Variants in SLC35F1 observed in about 807,000 individuals in gnomAD.
SLC35F1 encodes the protein chromosome 6 open reading frame 169.
A neutral mutation model predicts 48.7 loss-of-function variants in SLC35F1; 14 were observed. The ratio of observed to expected loss-of-function variants is 0.29; its 90% CI spans 0.19 to 0.45. SLC35F1 has a LOEUF of 0.45. Ranked by LOEUF, SLC35F1 falls within the 20% of genes least tolerant of loss-of-function variation. The pLI, the probability that SLC35F1 is intolerant of heterozygous loss-of-function variation, is 1.00. For missense variants in SLC35F1, 404 were observed against 500.0 expected (o/e 0.81, Z 1.83); for synonymous variants, 190 against 202.2 (o/e 0.94, Z 0.51).
chr6:118,268,230 TG>T (rs756636805), intron 4 of SLC35F1, among the ~76,000 whole-genome samples: 8 of 152,154 alleles, frequency 5.3e-5, no homozygotes, highest in Non-Finnish European at 8.8e-5. Flanking sequence ...AAGCAGAGAC[TG>T]GAACACAAGG....
At chr6:118,279,923 A>C (rs770512761) in intron 6 of SLC35F1, among the ~76,000 whole-genome samples, 1 of 152,228 alleles carries the variant, frequency 6.6e-6, no homozygotes, top group Non-Finnish European at 1.5e-5. Flanking sequence ...CCATTTTATC[A>C]AAGTGGAAAG....
At chr6:118,262,048 T>TAA (rs1320595783) in intron 3 of SLC35F1, among the ~76,000 whole-genome samples, 1 of 152,026 alleles carries the variant, frequency 6.6e-6, no homozygotes, top group African/African-American at 2.4e-5. Context: ...ACACCAGCTG[T>TAA]AAAGAGGGTT....
intron 6 of SLC35F1, among the ~76,000 whole-genome samples, chr6:118,279,908 G>A (rs942248385): frequency 1.3e-5 from 2 of 152,116 alleles, no homozygotes; most frequent in Non-Finnish European, 2.9e-5. Context: ...CAACTCATGT[G>A]GTTGCCATTT....
At chr6:117,946,596 T>A (rs1776298252) in intron 1 of SLC35F1, among the ~76,000 whole-genome samples, 1 of 152,230 alleles carries the variant, frequency 6.6e-6, no homozygotes, top group Non-Finnish European at 1.5e-5. Context: ...AACCTACATG[T>A]AAACTCTTAA....
chr6:118,248,620 G>T (rs894584643), intron 3 of SLC35F1, among the ~76,000 whole-genome samples: 1 of 152,188 alleles, frequency 6.6e-6, no homozygotes, highest in Non-Finnish European at 1.5e-5. Context: ...GCTGAAAAAG[G>T]CAGGGAAAGG....
At chr6:118,190,441 TAA>T (rs541433945) in intron 2 of SLC35F1, among the ~76,000 whole-genome samples, 1 of 146,122 alleles carries the variant, frequency 6.8e-6, no homozygotes, top group Non-Finnish European at 1.5e-5. Context: ...TAATTTTGCT[TAA>T]AAAAAAAAAA....
At position 118,107,381 on chromosome 6, in the gene SLC35F1, G is replaced by A. The variant is rs138923463; in HGVS notation, c.174-47064G>A. Among the ~76,000 whole-genome samples the A allele has an allele frequency of 2.1e-3, 316 of 152,180 alleles. 1 individual carries two copies. The highest frequency in any genetic ancestry group is 7.5e-3 in the African/African-American group (312 of 41,522). On this transcript the variant is annotated intron_variant, in intron 1 of 7. Transcript: ENST00000360388. The stretch of plus-strand genomic sequence containing the variant: ...AAACTCTTTTCTCCCATTGTCCTTT[G>A]GACTGGATATTTACTCAATATCACC...
chr6:117,932,946 C>G (rs1258539187), intron 1 of SLC35F1, among the ~76,000 whole-genome samples: 4 of 152,190 alleles, frequency 2.6e-5, no homozygotes, highest in Non-Finnish European at 4.4e-5. Context: ...GCTCAGAAAA[C>G]TAGTGATAAC....
intron 2 of SLC35F1, among the ~76,000 whole-genome samples, chr6:118,175,527 T>C (rs138110211): frequency 1.1e-3 from 168 of 152,266 alleles, no homozygotes; most frequent in African/African-American, 3.8e-3. Context: ...TTATTTGATT[T>C]ATAAAAGAAA....
intron 7 of SLC35F1, among the ~76,000 whole-genome samples, chr6:118,302,271 G>A (rs1411296969): frequency 6.6e-6 from 1 of 152,072 alleles, no homozygotes; most frequent in Non-Finnish European, 1.5e-5. Context: ...TAAAGCAGTA[G>A]CTTATAAAGA....
chr6:117,933,870 A>G (rs1352238977), intron 1 of SLC35F1, among the ~76,000 whole-genome samples: 1 of 152,112 alleles, frequency 6.6e-6, no homozygotes, highest in Non-Finnish European at 1.5e-5. Context: ...CGTAGAGCTC[A>G]GTGCTCACTG....
chr6:118,043,636 A>G (rs1034309133), intron 1 of SLC35F1, among the ~76,000 whole-genome samples: 2 of 152,178 alleles, frequency 1.3e-5, no homozygotes, highest in African/African-American at 4.8e-5. Flanking sequence ...CCACGTTTGT[A>G]TATTTCACTG....
chr6:118,139,304 G>A (rs1001370745), intron 1 of SLC35F1, among the ~76,000 whole-genome samples: 1 of 152,044 alleles, frequency 6.6e-6, no homozygotes, highest in South Asian at 2.1e-4. Context: ...AGTAGAGATG[G>A]GGTTTCACCG....
rs1270072536 is a variant in SLC35F1, at chr6:117,920,045, G to A, written c.173+12146G>A. On this transcript the variant is annotated intron_variant, in intron 1 of 7. Coordinates refer to ENST00000360388, the MANE Select transcript of SLC35F1 (RefSeq NM_001029858.4). The stretch of plus-strand genomic sequence containing the variant: ...TAATGTGCTAATGAGGGGAAGCCCA[G>A]ATGCCAGCGGGCTCAGTGGAGCTCT... 3.3e-5 allele frequency among the ~76,000 whole-genome samples: 5 copies of A among 152,238 alleles called. No homozygotes were observed. The East Asian group carries it at 9.7e-4, about 29-fold the overall frequency.
intron 2 of SLC35F1, among the ~76,000 whole-genome samples, chr6:118,184,472 C>A (rs205940): frequency 0.041 from 6,282 of 152,208 alleles, 254 homozygotes; most frequent in African/African-American, 0.1. Flanking sequence ...AGTAAGCAAC[C>A]AATGCCCTAA....
chr6:118,230,638 G>A (rs926549567), intron 2 of SLC35F1, among the ~76,000 whole-genome samples: 6 of 152,022 alleles, frequency 3.9e-5, no homozygotes, highest in African/African-American at 1.2e-4. Flanking sequence ...TTGAATACAC[G>A]CACACATAGA....
At chr6:117,916,627 A>G (rs1320424633) in intron 1 of SLC35F1, among the ~76,000 whole-genome samples, 1 of 152,228 alleles carries the variant, frequency 6.6e-6, no homozygotes, top group Non-Finnish European at 1.5e-5. Context: ...CCTGAAAGGG[A>G]TGCCCTGGAA....
chr6:118,065,354 C>T (rs1315833745), intron 1 of SLC35F1, among the ~76,000 whole-genome samples: 1 of 152,080 alleles, frequency 6.6e-6, no homozygotes, highest in Non-Finnish European at 1.5e-5. Context: ...TTTTTTCCTC[C>T]ACTGGTTTTT....
intron 1 of SLC35F1, among the ~76,000 whole-genome samples, chr6:118,127,904 C>T (rs1228993474): frequency 6.6e-5 from 10 of 152,204 alleles, no homozygotes; most frequent in East Asian, 1.9e-4. Context: ...TTTTTGCAAC[C>T]TACTCATCGG....
Sources: gnomAD v4.1 joint callset for allele counts (sites outside exome capture counted in the v4.1 genomes callset) on GRCh38, gnomAD v4.1.1 for gene constraint, MANE v1.5 for transcripts, NCBI Gene and HGNC (gene_info 2026-07-23, HGNC 2026-07-21) for gene names.